The following RBFA variants were observed in gnomAD, a reference collection of about 807,000 sequenced individuals.
RBFA encodes the protein putative ribosome-binding factor A, mitochondrial.
RBFA carries 16 observed loss-of-function variants against 27.9 expected under a neutral mutation model. The ratio of observed to expected loss-of-function variants is 0.57; its 90% CI spans 0.39 to 0.87. The LOEUF (loss-of-function observed/expected upper bound fraction) is 0.87. Among genes scored for constraint, RBFA ranks in the 40% least tolerant of loss-of-function variants. The probability of loss-of-function intolerance (pLI) is 0.00; values close to 1 mark genes in which losing one functional copy is unlikely to be tolerated. For synonymous variants in RBFA, 181 were observed against 181.0 expected, an observed-to-expected ratio of 1.00 and a Z score of 0.00; for missense variants, 456 against 432.1, an observed-to-expected ratio of 1.06 and a Z score of -0.49.
At chr18:80,043,914 T>C (rs1255387273) in intron 5 of RBFA, among the ~76,000 whole-genome samples, 1 of 152,252 alleles carries the variant, frequency 6.6e-6, no homozygotes, top group East Asian at 1.9e-4. Context: ...GTTAGTTAGT[T>C]AATTCAACTA....
chr18:80,038,463 C>A, intron 3 of RBFA, 42 bp from the exon 4 acceptor site: 1 of 1,366,820 alleles, frequency 7.3e-7, no homozygotes, highest in Non-Finnish European at 1.0e-6. Flanking sequence ...CTTGAAAACC[C>A]ATGTAAGCTA....
chr18:80,043,297 C>G (rs930967786), intron 5 of RBFA, among the ~76,000 whole-genome samples: 2 of 152,162 alleles, frequency 1.3e-5, no homozygotes, highest in Non-Finnish European at 2.9e-5. Flanking sequence ...AGAAAAAGAT[C>G]CAGTTTGACA....
chr18:80,040,793 A>C (rs556433246), intron 4 of RBFA, among the ~76,000 whole-genome samples: 1 of 152,354 alleles, frequency 6.6e-6, no homozygotes, highest in Non-Finnish European at 1.5e-5. Context: ...TTTGTAGTAT[A>C]GTAAATATTG....
In RBFA at chr18:80,048,531, A is replaced by G. The variant is rs1406005238; in HGVS notation, c.*2376A>G. Among the ~76,000 whole-genome samples, 1 of 152,228 alleles carries G rather than the reference A, an allele frequency of 6.6e-6. No homozygotes were observed. Among genetic ancestry groups the G allele is most frequent in the Admixed American group, 6.5e-5 (1 of 15,274 alleles). ...CCTTCTAGCACATCTGACAGGGACT[A>G]GTGTCTAGAGCCATGAGGACAGAGA... On this transcript the variant is annotated 3_prime_UTR_variant, in exon 7 of 7. Coordinates refer to ENST00000306735, the MANE Select transcript of RBFA (RefSeq NM_024805.3).
chr18:80,036,721 G>C lies in RBFA; in HGVS notation c.201+11G>C, dbSNP rs1353124452. On this transcript the variant is annotated intron_variant, in intron 2 of 6. Transcript: ENST00000306735. ...TTGGGTTCTCACTCGGTGAGTATAA[G>C]CCATGAGCCACTTTATAATCTTGAT... 15 of 1,603,768 alleles carry C rather than the reference G, an allele frequency of 9.4e-6. No individual in the cohort carries two copies. The highest frequency in any genetic ancestry group is 4.4e-5 in the South Asian group (4 of 90,002).
chr18:80,034,466 C>G lies in RBFA; in HGVS notation c.-30C>G. 6.7e-7 allele frequency: 1 copy of G among 1,483,852 alleles called. No homozygotes were observed. Among genetic ancestry groups the G allele is most frequent in the Non-Finnish European group, 8.9e-7 (1 of 1,127,324 alleles). The allele number at this position is 1,483,852 out of a possible 1,614,324, so 91.9% of individuals were successfully genotyped here. A position where few individuals can be genotyped will look rare whatever the true frequency, so the allele number is the denominator to read the frequency against. Reference sequence around the variant, plus strand: ...GCTCCGCGCCTGCGCCCGTTGTCTCCCTGCTCGCTCCGGGTCCCGGCGCCG... The same window carrying G: ...GCTCCGCGCCTGCGCCCGTTGTCTCGCTGCTCGCTCCGGGTCCCGGCGCCG... On this transcript the variant is annotated 5_prime_UTR_variant, in exon 1 of 7. Transcript: ENST00000306735.
chr18:80,039,748 T>G (rs1397904374), intron 4 of RBFA, among the ~76,000 whole-genome samples: 1 of 152,212 alleles, frequency 6.6e-6, no homozygotes. Flanking sequence ...TTTTAAAATC[T>G]GCATAACTAG....
At chr18:80,038,404 T>G (rs1599766408) in intron 3 of RBFA, 101 bp from the exon 4 acceptor site, 2 of 761,152 alleles carry the variant, frequency 2.6e-6, no homozygotes, top group East Asian at 2.6e-5. Flanking sequence ...CTGGCTTGGG[T>G]GGGAGGGGCG....
At chr18:80,045,561 A>G (rs908990700) in intron 6 of RBFA, among the ~76,000 whole-genome samples, 7 of 152,082 alleles carry the variant, frequency 4.6e-5, no homozygotes, top group Non-Finnish European at 7.4e-5. Context: ...GTGCACCTGG[A>G]CTGTGCTGGC....
intron 3 of RBFA, 91 bp from the exon 4 acceptor site, chr18:80,038,414 G>C (rs773351204): frequency 2.4e-6 from 2 of 846,712 alleles, no homozygotes; most frequent in Non-Finnish European, 3.8e-6. Context: ...TGGGAGGGGC[G>C]TCTGCAGCTG....
At chr18:80,040,239 A>ATTTTTTTTTTTT (rs71338083) in intron 4 of RBFA, among the ~76,000 whole-genome samples, 11 of 91,412 alleles carry the variant, frequency 1.2e-4, no homozygotes, top group South Asian at 5.6e-4. Flanking sequence ...GGAGGCCTGA[A>ATTTTTTTTTTTT]TTTTTTTTTT....
At chr18:80,045,470 C>A (rs968763455) in intron 6 of RBFA, among the ~76,000 whole-genome samples, 3 of 152,240 alleles carry the variant, frequency 2.0e-5, no homozygotes, top group African/African-American at 7.2e-5. Flanking sequence ...CGTGATCCGC[C>A]CGCCTCAGCC....
intron 4 of RBFA, 76 bp downstream of exon 4, chr18:80,038,693 G>A: frequency 1.9e-6 from 2 of 1,057,038 alleles, no homozygotes; most frequent in Non-Finnish European, 2.8e-6. Flanking sequence ...ACTTGTAGGT[G>A]GACTTGAACT....
At position 80,050,398 on chromosome 18, in the gene RBFA, A is replaced by G. The variant is rs1184183426; in HGVS notation, c.*4243A>G. Among the ~76,000 whole-genome samples, 5 of 152,332 alleles carry G rather than the reference A, an allele frequency of 3.3e-5. No individual in the cohort carries two copies. Among genetic ancestry groups the G allele is most frequent in the East Asian group, 1.9e-4 (1 of 5,188 alleles). On this transcript the variant is annotated 3_prime_UTR_variant, in exon 7 of 7. Transcript: ENST00000306735. ...GTAGGTGTATATATTTGTGGGGTAC[A>G]TGAGATGTTTTGATACAGACATGCA...
rs1225464051 is a variant in RBFA at position 80,048,580 on chromosome 18, G to C, written c.*2425G>C. Among the ~76,000 whole-genome samples the C allele has an allele frequency of 6.6e-6, 1 of 152,238 alleles. No individual in the cohort carries two copies. Among genetic ancestry groups the C allele is most frequent in the African/African-American group, 2.4e-5 (1 of 41,468 alleles). On this transcript the variant is annotated 3_prime_UTR_variant, in exon 7 of 7. Coordinates refer to ENST00000306735, the MANE Select transcript of RBFA (RefSeq NM_024805.3). ...GACCAGAAGGGACAAGAAGGAGTGG[G>C]CAGAGGGAATGGAAGGTAGAGTTAG...
At chr18:80,044,178 G>T in intron 5 of RBFA, 34 bp from the exon 6 acceptor site, 1 of 1,587,260 alleles carries the variant, frequency 6.3e-7, no homozygotes, top group Non-Finnish European at 8.7e-7. Context: ...GTGGGGATGT[G>T]GCTAACGGGT....
intron 3 of RBFA, among the ~76,000 whole-genome samples, chr18:80,037,866 G>A (rs563168607): frequency 8.2e-5 from 12 of 146,748 alleles, no homozygotes; most frequent in African/African-American, 3.0e-4. Flanking sequence ...TCCACCCTGG[G>A]TGACAGAGCG....
chr18:80,042,555 G>C (rs1052546890), intron 5 of RBFA, among the ~76,000 whole-genome samples: 8 of 152,184 alleles, frequency 5.3e-5, no homozygotes, highest in Non-Finnish European at 7.3e-5. Context: ...TGGATCACAA[G>C]GTCAGGAGTT....
chr18:80,037,888 C>CAA lies in RBFA; in HGVS notation c.378+394_378+395dup, dbSNP rs56784827. 3.0e-4 allele frequency among the ~76,000 whole-genome samples: 43 copies of CAA among 145,672 alleles called. 1 individual carries two copies. The highest frequency in any genetic ancestry group is 6.8e-4 in the African/African-American group (26 of 38,412). On this transcript the variant is annotated intron_variant, in intron 3 of 6. Transcript: ENST00000306735. Reference sequence around the variant, plus strand: ...TGGGTGACAGAGCGAGACTCCATCTCAAAAAAAAAAAAAGCCACTTTAGCA... The same window carrying CAA: ...TGGGTGACAGAGCGAGACTCCATCTCAAAAAAAAAAAAAAAGCCACTTTAGCA...
Sources: allele counts gnomAD v4.1 joint callset (sites outside exome capture counted in the v4.1 genomes callset), GRCh38; gene constraint gnomAD v4.1.1; transcripts MANE v1.5; gene names NCBI Gene and HGNC (gene_info 2026-07-23, HGNC 2026-07-21).